CGN: variants seen among roughly 807,000 people sequenced by gnomAD.
CGN encodes the protein cingulin.
Under a neutral mutation model 157.1 loss-of-function variants are expected in CGN, and 121 were observed. That is an observed-to-expected ratio of 0.77 (90% CI 0.66 to 0.90). CGN has a LOEUF of 0.90. Among genes scored for constraint, CGN ranks in the 40% least tolerant of loss-of-function variants. The pLI, the probability that CGN is intolerant of heterozygous loss-of-function variation, is 0.00. For synonymous variants in CGN, 535 were observed against 607.5 expected (o/e 0.88, Z 1.76); for missense variants, 1,424 against 1,520.9 (o/e 0.94, Z 1.06).
intron 1 of CGN, among the ~76,000 whole-genome samples, chr1:151,514,055 G>A (rs963199933): frequency 2.6e-5 from 4 of 152,222 alleles, no homozygotes; most frequent in African/African-American, 9.7e-5. Flanking sequence ...CCGCCCCACT[G>A]TCCTCTGTAA....
In CGN at chr1:151,530,646, A is replaced by G. The variant is rs777832216; in HGVS notation, c.2471A>G (p.Glu824Gly). 6 of 1,594,824 alleles carry G rather than the reference A, an allele frequency of 3.8e-6. 1 individual carries two copies. The South Asian group carries it at 6.7e-5, about 18-fold the overall frequency. Reference sequence around the variant, plus strand: ...CAGCAGACACTGAACCGGGCCCTGGAGGAGGAAGGGAAGCAGCGGGAGGTG... The same window carrying G: ...CAGCAGACACTGAACCGGGCCCTGGGGGAGGAAGGGAAGCAGCGGGAGGTG... ...QEQQTLNRAL[E>G]EEGKQREVLR... Residue 824 changes from glutamate to glycine, a missense_variant, in exon 13 of 21, where the codon GAG becomes GGG. By Grantham distance (98) the Glu-to-Gly change is moderately conservative (BLOSUM62 -2). Transcript: ENST00000271636.
At position 151,519,011 on chromosome 1, in the gene CGN, T is replaced by G; in HGVS notation, c.492T>G (p.Ala164=). The G allele has an allele frequency of 6.2e-7, 1 of 1,614,196 alleles. No homozygotes were observed. Among genetic ancestry groups the G allele is most frequent in the South Asian group, 1.1e-5 (1 of 91,084 alleles). The part of the protein sequence containing the change: ...NSMLELAPKV[A]SPGSTIDTAP... Reference sequence around the variant, plus strand: ...TGCTGGAGCTAGCCCCGAAAGTGGCTTCCCCAGGTAGCACCATTGACACTG... The same window carrying G: ...TGCTGGAGCTAGCCCCGAAAGTGGCGTCCCCAGGTAGCACCATTGACACTG... Residue 164 remains alanine, a synonymous_variant, in exon 2 of 21, where the codon GCT becomes GCG. Coordinates refer to ENST00000271636, the MANE Select transcript of CGN (RefSeq NM_020770.3).
chr1:151,530,036 A>G lies in CGN; in HGVS notation c.2234A>G (p.Gln745Arg). 6.2e-7 allele frequency: 1 copy of G among 1,614,176 alleles called. No homozygotes were observed. The highest frequency in any genetic ancestry group is 8.5e-7 in the Non-Finnish European group (1 of 1,180,014). Reference sequence around the variant, plus strand: ...CGGCGCATCCTGGGTTTGGAGCAGCAGCTGAAGGAGACTCGAGGTCTGGTG... The same window carrying G: ...CGGCGCATCCTGGGTTTGGAGCAGCGGCTGAAGGAGACTCGAGGTCTGGTG... ...FRRRILGLEQ[Q>R]LKETRGLVDG... The change falls in exon 12 of 21, where the codon CAG becomes CGG. Residue 745 changes from glutamine (Q) to arginine (R), a missense_variant. Gln to Arg is a conservative substitution (Grantham distance 43). Transcript: ENST00000271636.
At position 151,529,923 on chromosome 1, in the gene CGN, C is replaced by A; in HGVS notation, c.2121C>A (p.Ala707=). The part of the protein sequence containing the change: ...CEEASKAKMV[A]EAEATVLGQR... Reference sequence around the variant, plus strand: ...ACCGTCCTTAGGCTAAGATGGTGGCCGAGGCAGAGGCAACAGTGCTGGGGC... The same window carrying A: ...ACCGTCCTTAGGCTAAGATGGTGGCAGAGGCAGAGGCAACAGTGCTGGGGC... Residue 707 remains alanine, a synonymous_variant, in exon 12 of 21, where the codon GCC becomes GCA. Transcript: ENST00000271636. 1 of 1,613,658 alleles carries A rather than the reference C, an allele frequency of 6.2e-7. No individual in the cohort carries two copies. The highest frequency in any genetic ancestry group is 8.5e-7 in the Non-Finnish European group (1 of 1,179,814).
rs1664996860 is a variant in CGN at position 151,537,502 on chromosome 1, ATC to A, written c.*157_*158del. The A allele has an allele frequency of 1.8e-5, 10 of 555,220 alleles. No individual in the cohort carries two copies. The highest frequency in any genetic ancestry group is 3.5e-5 in the Admixed American group (1 of 28,504). 34.4% of individuals were successfully genotyped at this position (555,220 alleles called of 1,614,324 possible). On this transcript the variant is annotated 3_prime_UTR_variant, in exon 21 of 21. Transcript: ENST00000271636. ...AGAGTGATGGTGATAAAAAAAAAAA[ATC>A]ATCAGCAATAAGCTGATAGATGGAC...
chr1:151,520,340 CT>C, intron 3 of CGN, 73 bp from the exon 4 acceptor site: 1 of 1,566,630 alleles, frequency 6.4e-7, no homozygotes, highest in Admixed American at 1.7e-5. Context: ...CCCATCTTCC[CT>C]GATTTTACCC....
intron 12 of CGN, 50 bp downstream of exon 12, chr1:151,530,165 C>A: frequency 6.5e-7 from 1 of 1,548,892 alleles, no homozygotes; most frequent in Non-Finnish European, 8.8e-7. Context: ...TGGTGAAATA[C>A]TCCTATGCTA....
chr1:151,533,910 G>C, intron 14 of CGN, 65 bp from the exon 15 acceptor site: 1 of 1,438,006 alleles, frequency 7.0e-7, no homozygotes, highest in Non-Finnish European at 9.4e-7. Flanking sequence ...GGGCTGGACT[G>C]CTCCTGCCCC....
chr1:151,516,857 T>A (rs1431922356), intron 1 of CGN, among the ~76,000 whole-genome samples: 1 of 150,572 alleles, frequency 6.6e-6, no homozygotes, highest in Non-Finnish European at 1.5e-5. Context: ...GCACAGTTTT[T>A]AAACCACATT....
chr1:151,537,124 G>C (rs1337700122), intron 20 of CGN, 81 bp from the exon 21 acceptor site: 1 of 1,475,614 alleles, frequency 6.8e-7, no homozygotes, highest in African/African-American at 1.4e-5. Context: ...GAAGAATTGG[G>C]GTTTCCTTTG....
intron 16 of CGN, 93 bp downstream of exon 16, chr1:151,535,224 C>A (rs1664942789): frequency 1.0e-6 from 1 of 978,288 alleles, no homozygotes; most frequent in Non-Finnish European, 1.6e-6. Flanking sequence ...CTTTCATCAT[C>A]TGGCTGCCGA....
At chr1:151,528,103 C>CCG (rs1164444682) in intron 10 of CGN, among the ~76,000 whole-genome samples, 1 of 150,414 alleles carries the variant, frequency 6.6e-6, no homozygotes, top group Non-Finnish European at 1.5e-5. Context: ...CTACAGGCGC[C>CCG]CACCACCACG....
chr1:151,518,513 C>T lies in CGN; in HGVS notation c.-7C>T. The T allele has an allele frequency of 1.3e-6, 2 of 1,596,316 alleles. No homozygotes were observed. Among genetic ancestry groups the T allele is most frequent in the South Asian group, 1.1e-5 (1 of 90,160 alleles). On this transcript the variant is annotated 5_prime_UTR_variant, in exon 2 of 21. Transcript: ENST00000271636. Reference sequence around the variant, plus strand: ...CATTTCTTCATCTTCTAGGACTCCTCCTATTTATGGAGCAGGCACCCAACA... The same window carrying T: ...CATTTCTTCATCTTCTAGGACTCCTTCTATTTATGGAGCAGGCACCCAACA...
In CGN at chr1:151,534,116, C is replaced by T. The variant is rs199865309; in HGVS notation, c.2884C>T (p.Arg962Trp). ...NKKRSQDDRA[R>W]QLKGLEEKVS... ...GAAGCGTTCCCAGGACGACAGGGCCCGGCAGCTGAAGGGTCTCGAGGTGAG... is the reference window on the plus strand; with the variant it reads ...GAAGCGTTCCCAGGACGACAGGGCCTGGCAGCTGAAGGGTCTCGAGGTGAG... Residue 962 changes from arginine to tryptophan, a missense_variant, in exon 15 of 21, where the codon CGG (arginine) becomes TGG (tryptophan). By Grantham distance (101) the Arg-to-Trp change is moderately radical. Transcript: ENST00000271636. The T allele has an allele frequency of 2.1e-5, 34 of 1,598,700 alleles. No individual in the cohort carries two copies. Among genetic ancestry groups the T allele is most frequent in the Middle Eastern group, 3.3e-4 (2 of 6,046 alleles).
rs200286154 is a variant in CGN at position 151,530,825 on chromosome 1, G to GGGA, written c.2571+81_2571+83dup. 2.2e-3 allele frequency: 3,260 copies of GGGA among 1,453,882 alleles called. 43 individuals are homozygous for GGGA. The African/African-American group carries it at 0.029, about 13-fold the overall frequency. 90.1% of individuals were successfully genotyped at this position (1,453,882 alleles called of 1,614,324 possible). ...CTGGCCTGAGAGGACAGGGGCTTGG[G>GGGA]GGAGAGGGGTTAGTCAGAATGTGTG... On this transcript the variant is annotated intron_variant, in intron 13 of 20. Transcript: ENST00000271636.
intron 1 of CGN, among the ~76,000 whole-genome samples, 167 bp from the exon 2 acceptor site, chr1:151,518,339 G>A (rs1450831664): frequency 5.3e-5 from 8 of 152,228 alleles, no homozygotes; most frequent in Non-Finnish European, 1.0e-4. Context: ...AAGCTCTGGA[G>A]GTTAGGTCCA....
At chr1:151,516,149 C>T (rs1375695154) in intron 1 of CGN, among the ~76,000 whole-genome samples, 2 of 152,228 alleles carry the variant, frequency 1.3e-5, no homozygotes, top group East Asian at 1.9e-4. Context: ...CTGCCTCTCC[C>T]ATCCCTTCCC....
At position 151,519,361 on chromosome 1, in the gene CGN, G is replaced by A. The variant is rs767192392; in HGVS notation, c.842G>A (p.Arg281Gln). ...DWVLQSFEEP[R>Q]RSAQDPTMLQ... is the part of the protein sequence containing the mutation. ...GTCCTTCAGAGTTTTGAGGAGCCGC[G>A]GAGGAGTGCACAGGACCCCACCATG... Residue 281 changes from arginine to glutamine, a missense_variant, in exon 2 of 21, where the codon CGG becomes CAG. By Grantham distance (43) the Arg-to-Gln change is conservative. Transcript: ENST00000271636. 2 of 1,601,808 alleles carry A rather than the reference G, an allele frequency of 1.2e-6. No individual in the cohort carries two copies. Among genetic ancestry groups the A allele is most frequent in the Non-Finnish European group, 1.7e-6 (2 of 1,179,182 alleles).
At chr1:151,522,964 C>T (rs548513610) in intron 5 of CGN, among the ~76,000 whole-genome samples, 36 of 151,980 alleles carry the variant, frequency 2.4e-4, no homozygotes, top group Non-Finnish European at 4.6e-4. Context: ...AAAAACCCAG[C>T]TTAATCAAAT....
Sources: allele counts gnomAD v4.1 joint callset (sites outside exome capture counted in the v4.1 genomes callset), GRCh38; gene constraint gnomAD v4.1.1; transcripts MANE v1.5; gene names NCBI Gene and HGNC (gene_info 2026-07-23, HGNC 2026-07-21).